Variants in LANCL2 observed in about 807,000 individuals in gnomAD.
The protein encoded by LANCL2 is lanC-like protein 2.
In LANCL2, 33 loss-of-function variants were observed where a neutral mutation model predicts 56.9. The ratio of observed to expected loss-of-function variants is 0.58; its 90% CI spans 0.44 to 0.78. The LOEUF is 0.78. Among genes scored for constraint, LANCL2 ranks in the 30% least tolerant of loss-of-function variants. LANCL2 has a pLI of 0.00. For missense variants in LANCL2, 562 were observed against 580.2 expected, an observed-to-expected ratio of 0.97 and a Z score of 0.32; for synonymous variants, 233 against 228.2, an observed-to-expected ratio of 1.02 and a Z score of -0.19.
At chr7:55,407,033 G>A (rs779076479) in intron 5 of LANCL2, among the ~76,000 whole-genome samples, 2 of 152,174 alleles carry the variant, frequency 1.3e-5, no homozygotes, top group Non-Finnish European at 2.9e-5. Context: ...ATTGCCATAC[G>A]TGGGCTTGGG....
intron 6 of LANCL2, among the ~76,000 whole-genome samples, chr7:55,421,338 T>C (rs1469980682): frequency 1.0e-5 from 1 of 98,254 alleles, no homozygotes; most frequent in Non-Finnish European, 2.2e-5. Context: ...TTCTGTTGAC[T>C]CTTTTTTTTT....
rs567331316 is a variant in LANCL2, at chr7:55,425,054, C to T, written c.1009-200C>T. Among the ~76,000 whole-genome samples, 16 of 152,248 alleles carry T rather than the reference C, an allele frequency of 1.1e-4. No homozygotes were observed. In the South Asian group the frequency reaches 3.1e-3, roughly 30 times the overall value. On this transcript the variant is annotated intron_variant, in intron 6 of 8. Transcript: ENST00000254770. Reference sequence around the variant, plus strand: ...CACTGGTGCCAAAAAGGTTGGAGACCGCTGGGCTAATGGATTGAGATTGCG... The same window carrying T: ...CACTGGTGCCAAAAAGGTTGGAGACTGCTGGGCTAATGGATTGAGATTGCG...
At chr7:55,391,240 G>C (rs934837280) in intron 1 of LANCL2, among the ~76,000 whole-genome samples, 1 of 151,668 alleles carries the variant, frequency 6.6e-6, no homozygotes, top group Non-Finnish European at 1.5e-5. Context: ...GGATGGTCTC[G>C]ATCTCCTGAC....
At chr7:55,387,237 A>C (rs1249940722) in intron 1 of LANCL2, among the ~76,000 whole-genome samples, 1 of 152,206 alleles carries the variant, frequency 6.6e-6, no homozygotes, top group Non-Finnish European at 1.5e-5. Flanking sequence ...ACTCATAGGA[A>C]CAGTGTGAGA....
At chr7:55,376,773 G>A (rs1355557915) in intron 1 of LANCL2, among the ~76,000 whole-genome samples, 1 of 152,128 alleles carries the variant, frequency 6.6e-6, no homozygotes, top group African/African-American at 2.4e-5. Context: ...TTTTACGTTT[G>A]TCTCATTAGA....
At chr7:55,379,515 A>C (rs62457860) in intron 1 of LANCL2, 25,602 of 152,574 alleles carry the variant, frequency 0.17, 2,262 homozygotes, top group Middle Eastern at 0.24. Context: ...ATTTCTGTTA[A>C]CAAGCAGGAA....
chr7:55,369,929 T>G (rs566456014), intron 1 of LANCL2, among the ~76,000 whole-genome samples: 132 of 152,342 alleles, frequency 8.7e-4, no homozygotes, highest in Non-Finnish European at 1.4e-3. Flanking sequence ...CCCCTGTGAT[T>G]AGCTCTGTTG....
At chr7:55,430,036 C>T (rs1583769653) in intron 8 of LANCL2, among the ~76,000 whole-genome samples, 1 of 152,220 alleles carries the variant, frequency 6.6e-6, no homozygotes, top group African/African-American at 2.4e-5. Flanking sequence ...TGGAGTGCAC[C>T]GCCCAGTGGA....
intron 1 of LANCL2, 134 bp downstream of exon 1, chr7:55,366,363 T>C (rs1433081971): frequency 1.4e-6 from 1 of 703,198 alleles, no homozygotes; most frequent in African/African-American, 1.9e-5. Context: ...CTAGCACCTG[T>C]CTCCGGGCCT....
chr7:55,402,605 C>T (rs1583755724), intron 5 of LANCL2, among the ~76,000 whole-genome samples: 3 of 105,232 alleles, frequency 2.9e-5, no homozygotes, highest in South Asian at 6.1e-4. Context: ...CGGGGGATGA[C>T]CCCCCCACCT....
intron 1 of LANCL2, among the ~76,000 whole-genome samples, chr7:55,366,795 C>T (rs947565485): frequency 5.9e-5 from 9 of 152,202 alleles, no homozygotes; most frequent in East Asian, 1.9e-4. Context: ...AAACATACAT[C>T]TCTTGAATAT....
rs1443665421 is a variant in LANCL2 at position 55,432,230 on chromosome 7, CAGAA to C, written c.*914_*917del. The C allele has an allele frequency of 1.3e-5, 2 of 152,164 alleles. No individual in the cohort carries two copies. Among genetic ancestry groups the C allele is most frequent in the Non-Finnish European group, 2.9e-5 (2 of 68,026 alleles). The allele number at this position is 152,164 out of a possible 1,614,324, so 9.4% of individuals were successfully genotyped here. ...TTCCAGATGGGTTATTGCAGATTAA[CAGAA>C]AGACACTCAACTGGACTCATGTCCC... On this transcript the variant is annotated 3_prime_UTR_variant, in exon 9 of 9. Transcript: ENST00000254770.
intron 2 of LANCL2, among the ~76,000 whole-genome samples, chr7:55,396,407 G>T (rs1246685187): frequency 6.6e-6 from 1 of 152,230 alleles, no homozygotes; most frequent in African/African-American, 2.4e-5. Context: ...GTTTATCGCA[G>T]CCCCGCCTAC....
intron 1 of LANCL2, among the ~76,000 whole-genome samples, chr7:55,369,044 A>G (rs1490077737): frequency 2.6e-5 from 4 of 152,202 alleles, no homozygotes; most frequent in African/African-American, 9.6e-5. Context: ...CCATGTGATG[A>G]TGGAGGCAGA....
At chr7:55,393,644 T>C (rs1241185573) in intron 2 of LANCL2, among the ~76,000 whole-genome samples, 3 of 152,228 alleles carry the variant, frequency 2.0e-5, no homozygotes, top group African/African-American at 7.2e-5. Flanking sequence ...TGTATTTGTA[T>C]TTATATTTAC....
chr7:55,419,349 T>C (rs1016391594), intron 6 of LANCL2, among the ~76,000 whole-genome samples: 1 of 151,900 alleles, frequency 6.6e-6, no homozygotes, highest in Non-Finnish European at 1.5e-5. Flanking sequence ...ATACCTCTTT[T>C]TTTTAATGTT....
intron 1 of LANCL2, among the ~76,000 whole-genome samples, chr7:55,383,717 A>G (rs1790093934): frequency 6.6e-6 from 1 of 152,214 alleles, no homozygotes; most frequent in African/African-American, 2.4e-5. Flanking sequence ...TGCACCTGTA[A>G]TCCCAGCTAC....
At chr7:55,401,344 C>A (rs1485093769) in intron 5 of LANCL2, 24 bp downstream of exon 5, 1 of 1,588,486 alleles carries the variant, frequency 6.3e-7, no homozygotes, top group Non-Finnish European at 8.6e-7. Context: ...CTCTTACACA[C>A]TACAGTATAT....
In LANCL2 at chr7:55,431,932, G is replaced by C. The variant is rs1374258772; in HGVS notation, c.*612G>C. The C allele has an allele frequency of 6.6e-6, 1 of 152,284 alleles. No individual in the cohort carries two copies. The allele number at this position is 152,284 out of a possible 1,614,324, so 9.4% of individuals were successfully genotyped here. A position where few individuals can be genotyped will look rare whatever the true frequency, so the allele number is the denominator to read the frequency against. On this transcript the variant is annotated 3_prime_UTR_variant, in exon 9 of 9. Coordinates refer to ENST00000254770, the MANE Select transcript of LANCL2 (RefSeq NM_018697.4). ...TTTACACTCACCTTCGTGTTTTAAA[G>C]AAGCCTCAGAGTGCATTGCAGCTCT... is the stretch of plus-strand genomic sequence containing the variant.
Sources: allele counts gnomAD v4.1 joint callset (sites outside exome capture counted in the v4.1 genomes callset), GRCh38; gene constraint gnomAD v4.1.1; transcripts MANE v1.5; gene names NCBI Gene and HGNC (gene_info 2026-07-23, HGNC 2026-07-21).